The following DPH6 variants were observed in gnomAD, a reference collection of about 807,000 sequenced individuals.
DPH6 encodes diphthamine biosynthesis 6, also known as diphthine--ammonia ligase.
Under a neutral mutation model 38.2 loss-of-function variants are expected in DPH6, and 33 were observed. The observed-to-expected ratio is 0.86, with a 90% confidence interval of 0.65 to 1.15. The LOEUF is 1.15. DPH6 is among the 50% of genes most tolerant of loss of function. The probability of loss-of-function intolerance (pLI) is 0.00; values close to 1 mark genes in which losing one functional copy is unlikely to be tolerated. For missense variants in DPH6, 325 were observed against 320.0 expected (o/e 1.02, Z -0.12); for synonymous variants, 108 against 103.0 (o/e 1.05, Z -0.30).
the DPH6 span, among the ~76,000 whole-genome samples, chr15:35,170,709 A>G: frequency 3.3e-5 from 5 of 152,320 alleles, no homozygotes; most frequent in South Asian, 1.0e-3. Context: ...AAACTCTGCA[A>G]TCACTCATAG....
intron 3 of DPH6, among the ~76,000 whole-genome samples, chr15:35,280,576 CA>C (rs1332223384): frequency 1.3e-5 from 2 of 152,118 alleles, no homozygotes; most frequent in Non-Finnish European, 2.9e-5. Flanking sequence ...GATAATAATG[CA>C]AATGTGAAAT....
intron 3 of DPH6, among the ~76,000 whole-genome samples, chr15:35,469,570 T>C (rs772575737): frequency 6.6e-6 from 1 of 152,188 alleles, no homozygotes; most frequent in Non-Finnish European, 1.5e-5. Context: ...GAACCCAGAA[T>C]GCTCCCAAGT....
At chr15:35,189,575 C>T in the DPH6 span, among the ~76,000 whole-genome samples, 1 of 152,188 alleles carries the variant, frequency 6.6e-6, no homozygotes, top group South Asian at 2.1e-4. Flanking sequence ...TTCTCCATTG[C>T]ATTTATTAGG....
chr15:35,483,886 G>T (rs760840715), intron 3 of DPH6, among the ~76,000 whole-genome samples: 2 of 152,168 alleles, frequency 1.3e-5, no homozygotes, highest in Admixed American at 6.5e-5. Flanking sequence ...TGTACAACGT[G>T]AATGAACCTC....
chr15:35,383,938 C>G (rs919129102), intron 6 of DPH6, among the ~76,000 whole-genome samples: 1 of 152,190 alleles, frequency 6.6e-6, no homozygotes, highest in East Asian at 1.9e-4. Context: ...ATCTTTGTAG[C>G]ACAAAAGCAT....
At chr15:35,436,500 AAAACAAAACAAAAC>A (rs2053711913) in intron 5 of DPH6, among the ~76,000 whole-genome samples, 5 of 60,558 alleles carry the variant, frequency 8.3e-5, no homozygotes, top group Non-Finnish European at 1.4e-4. Context: ...AAAACAAAAC[AAAACAAAACAAAAC>A]AAAAAAGGTT....
chr15:35,497,761 A>G (rs2054576028), intron 3 of DPH6, among the ~76,000 whole-genome samples: 1 of 152,184 alleles, frequency 6.6e-6, no homozygotes, highest in Admixed American at 6.6e-5. Flanking sequence ...AAATAATCTA[A>G]TTCAAATTTG....
At chr15:35,194,051 A>G in the DPH6 span, among the ~76,000 whole-genome samples, 2 of 152,216 alleles carry the variant, frequency 1.3e-5, no homozygotes. Flanking sequence ...ACATGATTCA[A>G]ATGAAAACTC....
intron 3 of DPH6, among the ~76,000 whole-genome samples, chr15:35,355,456 C>G (rs1325850236): frequency 6.6e-6 from 1 of 152,164 alleles, no homozygotes; most frequent in African/African-American, 2.4e-5. Flanking sequence ...GTGCTTCCTT[C>G]AGGAGCTCTT....
At chr15:35,538,538 G>A (rs1278563151) in intron 2 of DPH6, 71 bp from the exon 3 acceptor site, 5 of 1,319,254 alleles carry the variant, frequency 3.8e-6, no homozygotes, top group Non-Finnish European at 5.0e-6. Flanking sequence ...AGCCCATCCA[G>A]GTTTTACTGC....
intron 3 of DPH6, among the ~76,000 whole-genome samples, chr15:35,318,735 T>C (rs764286235): frequency 6.6e-6 from 1 of 152,130 alleles, no homozygotes; most frequent in Non-Finnish European, 1.5e-5. Flanking sequence ...CTGCAGAAAC[T>C]GATCCAGGAA....
At chr15:35,492,446 TATATATC>T (rs1159478331) in intron 3 of DPH6, among the ~76,000 whole-genome samples, 1 of 152,198 alleles carries the variant, frequency 6.6e-6, no homozygotes, top group African/African-American at 2.4e-5. Context: ...AAATGAAAAC[TATATATC>T]ATATAAGTGC....
chr15:35,288,091 C>T lies in DPH6; in HGVS notation n.201-67509G>A, dbSNP rs532495794. Among the ~76,000 whole-genome samples the T allele has an allele frequency of 5.3e-5, 8 of 152,314 alleles. No homozygotes were observed. The South Asian group carries it at 1.4e-3, about 28-fold the overall frequency. ...TATATGCCCATTTCCAGAAATGCTG[C>T]TGCAGATAAGTTACAGTGTCATGTT... On this transcript the variant is annotated intron_variant and non_coding_transcript_variant, in intron 3 of 3. Coordinates refer to the DPH6 transcript ENST00000560386.
At position 35,423,241 on chromosome 15, in the gene DPH6, C is replaced by T. The variant is rs190288442; in HGVS notation, c.506-12345G>A. Among the ~76,000 whole-genome samples, 31 of 151,848 alleles carry T rather than the reference C, an allele frequency of 2.0e-4. No homozygotes were observed. In the South Asian group the frequency reaches 3.5e-3, roughly 17 times the overall value. ...TTCACTTTTCTGATACTCATTCTAACAGGTGTGACGTGATACCTCATTGTG... is the reference window on the plus strand; with the variant it reads ...TTCACTTTTCTGATACTCATTCTAATAGGTGTGACGTGATACCTCATTGTG... On this transcript the variant is annotated intron_variant, in intron 5 of 8. Coordinates refer to ENST00000256538, the MANE Select transcript of DPH6 (RefSeq NM_080650.4).
At chr15:35,522,991 A>G (rs1404486011) in intron 3 of DPH6, among the ~76,000 whole-genome samples, 1 of 151,994 alleles carries the variant, frequency 6.6e-6, no homozygotes, top group Admixed American at 6.6e-5. Context: ...TACATTGCCA[A>G]TGATTTCTAA....
chr15:35,245,671 T>C (rs900547111), intron 3 of DPH6, among the ~76,000 whole-genome samples: 12 of 152,250 alleles, frequency 7.9e-5, no homozygotes, highest in African/African-American at 2.9e-4. Flanking sequence ...TATTTCCCTC[T>C]GACGTATCAC....
chr15:35,380,820 C>T (rs1171244287), intron 7 of DPH6, among the ~76,000 whole-genome samples: 1 of 152,198 alleles, frequency 6.6e-6, no homozygotes, highest in Middle Eastern at 3.4e-3. Flanking sequence ...CCTTTGAAGG[C>T]AGAAACTATT....
At chr15:35,230,764 A>G (rs1002176786) in intron 3 of DPH6, among the ~76,000 whole-genome samples, 32 of 152,196 alleles carry the variant, frequency 2.1e-4, no homozygotes, top group African/African-American at 7.7e-4. Flanking sequence ...TTAAAGCAGC[A>G]GATTTCCTTA....
intron 3 of DPH6, chr15:35,299,121 T>C: frequency 1.0e-6 from 1 of 968,070 alleles, no homozygotes; most frequent in South Asian, 1.5e-5. Flanking sequence ...CACTACTTTC[T>C]TACAATCGTT....
Sources: gnomAD v4.1 joint callset for allele counts (sites outside exome capture counted in the v4.1 genomes callset) on GRCh38, gnomAD v4.1.1 for gene constraint, MANE v1.5 for transcripts, NCBI Gene and HGNC (gene_info 2026-07-23, HGNC 2026-07-21) for gene names.